GLG1: variants seen among roughly 807,000 people sequenced by gnomAD.
GLG1 encodes golgi glycoprotein 1, also known as Golgi apparatus protein 1.
In GLG1, 38 loss-of-function variants were observed where a neutral mutation model predicts 160.5. That is an observed-to-expected ratio of 0.24 (90% CI 0.18 to 0.31). GLG1 has a LOEUF of 0.31. Among genes scored for constraint, GLG1 ranks in the 10% least tolerant of loss-of-function variants. GLG1 has a pLI of 1.00. For synonymous variants in GLG1, 644 were observed against 543.4 expected (o/e 1.19, Z -2.57); for missense variants, 1,373 against 1,505.2 (o/e 0.91, Z 1.45).
At chr16:74,513,436 T>C (rs1460784202) in intron 2 of GLG1, among the ~76,000 whole-genome samples, 1 of 151,988 alleles carries the variant, frequency 6.6e-6, no homozygotes, top group African/African-American at 2.4e-5. Context: ...GGACGAAGCT[T>C]CCAGAGGAAG....
chr16:74,601,411 C>G (rs565283534), intron 1 of GLG1, among the ~76,000 whole-genome samples: 1 of 150,506 alleles, frequency 6.6e-6, no homozygotes, highest in African/African-American at 2.5e-5. Context: ...AAGACCTTGT[C>G]TCTCTTAAAA....
chr16:74,501,629 C>T (rs555424294), intron 4 of GLG1, among the ~76,000 whole-genome samples: 71 of 152,270 alleles, frequency 4.7e-4, no homozygotes, highest in Middle Eastern at 3.4e-3. Flanking sequence ...GGGACTGAAA[C>T]GCTTGGCTTT....
Position 74,606,877 on chromosome 16 carries a change from T to C in GLG1, c.218A>G (p.Gln73Arg). ...LPQLPQSSQL[Q>R]QQQQQQQQQQ... ...CTGTTGCTGCTGCTGCTGTTGCTGC[T>C]GAAGCTGCGATGACTGAGGCAGCTG... The change falls in exon 1 of 26, where the codon CAG (glutamine) becomes CGG (arginine). Residue 73 changes from glutamine to arginine, a missense_variant. Physicochemically the swap from Gln to Arg is conservative, Grantham distance 43. Coordinates refer to ENST00000422840, the MANE Select transcript of GLG1 (RefSeq NM_001145667.2). The C allele has an allele frequency of 6.2e-7, 1 of 1,601,770 alleles. No homozygotes were observed. The highest frequency in any genetic ancestry group is 8.5e-7 in the Non-Finnish European group (1 of 1,175,540).
intron 4 of GLG1, among the ~76,000 whole-genome samples, chr16:74,500,112 C>T (rs1041894962): frequency 9.2e-5 from 14 of 152,072 alleles, no homozygotes; most frequent in Admixed American, 7.9e-4. Flanking sequence ...AGGAGTTCCT[C>T]GGAGTCTCTG....
At chr16:74,488,978 T>C (rs1055834569) in intron 8 of GLG1, among the ~76,000 whole-genome samples, 8 of 152,166 alleles carry the variant, frequency 5.3e-5, no homozygotes, top group East Asian at 1.9e-4. Context: ...AGCCACCCTC[T>C]AGATTTGGAA....
intron 1 of GLG1, among the ~76,000 whole-genome samples, chr16:74,595,378 A>T (rs189399972): frequency 6.6e-6 from 1 of 151,190 alleles, no homozygotes; most frequent in Non-Finnish European, 1.5e-5. Flanking sequence ...TCTACTAAAC[A>T]TACAAAAAAT....
chr16:74,511,347 T>C (rs1462706032), intron 2 of GLG1, among the ~76,000 whole-genome samples: 1 of 152,108 alleles, frequency 6.6e-6, no homozygotes, highest in Non-Finnish European at 1.5e-5. Context: ...ATCTCTCGGC[T>C]ACCATCAATA....
At position 74,470,030 on chromosome 16, in the gene GLG1, G is replaced by A. The variant is rs2143237412; in HGVS notation, c.2273C>T (p.Ala758Val). 1.9e-6 allele frequency: 3 copies of A among 1,609,916 alleles called. No homozygotes were observed. Among genetic ancestry groups the A allele is most frequent in the Non-Finnish European group, 2.6e-6 (3 of 1,176,250 alleles). The change falls in exon 16 of 26, where the codon GCC becomes GTC. Residue 758 changes from alanine to valine, a missense_variant. Ala to Val is a moderately conservative substitution (Grantham distance 64). Coordinates refer to ENST00000422840, the MANE Select transcript of GLG1 (RefSeq NM_001145667.2). ...DFRFSYKFKM[A>V]CKEDVLKLCP... is the part of the protein sequence containing the mutation. ...AAGCTTCAACACGTCCTCCTTGCAG[G>A]CCATTTTAAACTTGTAAGAAAACCG...
At chr16:74,541,168 A>G (rs887209964) in intron 1 of GLG1, among the ~76,000 whole-genome samples, 2 of 152,018 alleles carry the variant, frequency 1.3e-5, no homozygotes, top group African/African-American at 4.8e-5. Flanking sequence ...TACTAAAAAT[A>G]CAAAGATTAG....
At chr16:74,463,147 T>A in intron 20 of GLG1, 1 of 560,938 alleles carries the variant, frequency 1.8e-6, no homozygotes. Flanking sequence ...TTAGGGCAGT[T>A]TTCTGGTTCT....
chr16:74,586,838 G>A (rs1958064539), intron 1 of GLG1, among the ~76,000 whole-genome samples: 1 of 151,950 alleles, frequency 6.6e-6, no homozygotes. Context: ...TGGGATTACA[G>A]CCTCCCACCA....
intron 22 of GLG1, among the ~76,000 whole-genome samples, chr16:74,461,002 A>C (rs2143170685): frequency 6.6e-6 from 1 of 152,348 alleles, no homozygotes; most frequent in South Asian, 2.1e-4. Context: ...AGACAAAAAT[A>C]TTAAGTTTCT....
intron 25 of GLG1, 143 bp downstream of exon 25, chr16:74,456,506 C>A: frequency 1.5e-6 from 1 of 657,906 alleles, no homozygotes. Flanking sequence ...ACAATAAGGA[C>A]AAGACCAGTG....
Position 74,568,188 on chromosome 16 carries a change from G to T in GLG1, c.439-36035C>A, listed in dbSNP as rs536410795. On this transcript the variant is annotated intron_variant, in intron 1 of 25. Transcript: ENST00000422840. Reference sequence around the variant, plus strand: ...CAGAAGCAGATGGTAAGAGAAGTCAGTCCTGCTAAGATGCCAAGTATCAAT... The same window carrying T: ...CAGAAGCAGATGGTAAGAGAAGTCATTCCTGCTAAGATGCCAAGTATCAAT... Among the ~76,000 whole-genome samples, 13 of 152,324 alleles carry T rather than the reference G, an allele frequency of 8.5e-5. No individual in the cohort carries two copies. In the South Asian group the frequency reaches 2.3e-3, roughly 27 times the overall value.
At chr16:74,461,793 C>T in intron 22 of GLG1, 1 of 224,676 alleles carries the variant, frequency 4.5e-6, no homozygotes. Flanking sequence ...ATCTTTCTGG[C>T]AGGTCTTGGG....
At chr16:74,459,854 C>CTTTTT in intron 22 of GLG1, 65 bp from the exon 23 acceptor site, 1 of 642,612 alleles carries the variant, frequency 1.6e-6, no homozygotes, top group Non-Finnish European at 2.6e-6. Flanking sequence ...ACAGTTTCTT[C>CTTTTT]TTTTTTTTTT....
chr16:74,479,908 T>A (rs1800668181), intron 11 of GLG1, among the ~76,000 whole-genome samples: 1 of 152,104 alleles, frequency 6.6e-6, no homozygotes. Flanking sequence ...GTAGCCTGGC[T>A]AAAAGCTTCT....
chr16:74,583,101 C>T (rs1183167874), intron 1 of GLG1, among the ~76,000 whole-genome samples: 1 of 152,120 alleles, frequency 6.6e-6, no homozygotes, highest in African/African-American at 2.4e-5. Flanking sequence ...ACCTATAATT[C>T]CCTCCACAAG....
intron 22 of GLG1, among the ~76,000 whole-genome samples, chr16:74,461,178 T>C (rs2014777154): frequency 6.6e-6 from 1 of 151,910 alleles, no homozygotes; most frequent in South Asian, 2.1e-4. Context: ...CTTTTTTTTT[T>C]TTTTTTTGAG....
Sources: gnomAD v4.1 joint callset for allele counts (sites outside exome capture counted in the v4.1 genomes callset) on GRCh38, gnomAD v4.1.1 for gene constraint, MANE v1.5 for transcripts, NCBI Gene and HGNC (gene_info 2026-07-23, HGNC 2026-07-21) for gene names.